The following TONSL variants were observed in gnomAD, a reference collection of about 807,000 sequenced individuals.
TONSL encodes the protein tonsoku-like protein.
In TONSL, 112 loss-of-function variants were observed where a neutral mutation model predicts 147.1. That is an observed-to-expected ratio of 0.76 (90% confidence interval 0.65 to 0.89). The LOEUF is 0.89. Ranked by LOEUF, TONSL falls within the 40% of genes least tolerant of loss-of-function variation. The probability of loss-of-function intolerance (pLI) is 0.00; values close to 1 mark genes in which losing one functional copy is unlikely to be tolerated. For missense variants in TONSL, 1,883 were observed against 1,864.6 expected (o/e 1.01, Z -0.18); for synonymous variants, 868 against 801.5 (o/e 1.08, Z -1.40).
chr8:144,438,164 G>A (rs565074874), intron 13 of TONSL: 2 of 431,274 alleles, frequency 4.6e-6, no homozygotes, highest in African/African-American at 3.9e-5. Flanking sequence ...GCATCCCAAA[G>A]TGCTGGGATT....
At position 144,429,219 on chromosome 8, in the gene TONSL, TG is replaced by T; in HGVS notation, c.4060del (p.Gln1354SerfsTer39). On this transcript the variant is annotated frameshift_variant, in exon 26 of 26. Transcript: ENST00000409379. LOFTEE classifies it low-confidence loss of function (END_TRUNC). ...GGGGCCCGGCCGACTGGGCTGCAGCTGGCGCAGGGCGTCCCTGTCCTCAGCG... is the reference window on the plus strand; with the variant it reads ...GGGGCCCGGCCGACTGGGCTGCAGCTGCGCAGGGCGTCCCTGTCCTCAGCG... The part of the protein sequence containing the change: ...LCAEDRDALR[Q>X]LQPSRPGPGE... 1 of 1,535,694 alleles carries T rather than the reference TG, an allele frequency of 6.5e-7. No homozygotes were observed. The highest frequency in any genetic ancestry group is 8.7e-7 in the Non-Finnish European group (1 of 1,144,888).
chr8:144,440,420 G>A lies in TONSL; in HGVS notation c.1221C>T (p.Tyr407=), dbSNP rs746125304. 2.9e-5 allele frequency: 46 copies of A among 1,608,314 alleles called. 2 individuals are homozygous for A. In the South Asian group the frequency reaches 4.2e-4, roughly 15 times the overall value. Residue 407 remains tyrosine (Y), a synonymous_variant, in exon 10 of 26, where the codon TAC becomes TAT. Transcript: ENST00000409379. ...TCTGGAAGCACGGGGCCAGCAGCTC[G>A]TAGGCATCGCCGGCCTCCTCGCGGG... ...ALSREEAGDA[Y]ELLAPCFQKA...
At chr8:144,432,188 T>C (rs1823233517) in intron 23 of TONSL, 97 bp downstream of exon 23, 1 of 1,354,154 alleles carries the variant, frequency 7.4e-7, no homozygotes. Context: ...CTCAGCGAGT[T>C]CAGCCCGAAT....
intron 11 of TONSL, 166 bp downstream of exon 11, chr8:144,439,855 C>T (rs1053679119): frequency 5.5e-5 from 31 of 562,226 alleles, no homozygotes; most frequent in South Asian, 3.6e-4. Context: ...AGGCTCCCTG[C>T]GGGTCACCAC....
At position 144,442,554 on chromosome 8, in the gene TONSL, A is replaced by C. The variant is rs537122941; in HGVS notation, c.578+123T>G. 1.2e-4 allele frequency: 182 copies of C among 1,491,776 alleles called. 2 individuals are homozygous for C. In the South Asian group the frequency reaches 2.3e-3, roughly 19 times the overall value. 92.4% of individuals were successfully genotyped at this position (1,491,776 alleles called of 1,614,324 possible). A position where few individuals can be genotyped will look rare whatever the true frequency, so the allele number is the denominator to read the frequency against. On this transcript the variant is annotated intron_variant, in intron 5 of 25. Transcript: ENST00000409379. ...TCCCAGTGTGTGGCACAGGTGTGAG[A>C]GGTGGGGGGATGAGGCCCAGCCAGA...
In TONSL at chr8:144,428,918, T is replaced by C; in HGVS notation, c.*225A>G. The C allele has an allele frequency of 2.3e-6, 1 of 434,520 alleles. No individual in the cohort carries two copies. Among genetic ancestry groups the C allele is most frequent in the Non-Finnish European group, 4.0e-6 (1 of 249,206 alleles). The allele number at this position is 434,520 out of a possible 1,614,324, so 26.9% of individuals were successfully genotyped here. On this transcript the variant is annotated 3_prime_UTR_variant, in exon 26 of 26. Transcript: ENST00000409379. ...CATTCTCCTGCCTCAGCCTCCGGAG[T>C]AGCTGGGACTACAGGCTTCCACCAC...
intron 12 of TONSL, 38 bp from the exon 13 acceptor site, chr8:144,438,598 G>C: frequency 6.2e-7 from 1 of 1,612,432 alleles, no homozygotes; most frequent in Non-Finnish European, 8.5e-7. Context: ...GCAGGGGCGT[G>C]AGGAGCTGGC....
rs749028352 is a variant in TONSL, at chr8:144,440,867, G to T, written c.1015C>A (p.Arg339Ser). The change falls in exon 9 of 26, where the codon CGT becomes AGT. Residue 339 changes from arginine (R) to serine (S), a missense_variant. Arg to Ser is a moderately radical substitution (Grantham distance 110, BLOSUM62 -1). Coordinates refer to ENST00000409379, the MANE Select transcript of TONSL (RefSeq NM_013432.5). Reference protein sequence around the residue: ...RAAEAYQKQLRFAELLDRPGA... With the variant: ...RAAEAYQKQLSFAELLDRPGA... ...GGTCTGTCCAGCAGCTCAGCAAAAC[G>T]CAGCTGGGGGCAGTGCCAGTGAGGC... is the stretch of plus-strand genomic sequence containing the variant. The T allele has an allele frequency of 1.9e-6, 3 of 1,612,674 alleles. No individual in the cohort carries two copies. Among genetic ancestry groups the T allele is most frequent in the Non-Finnish European group, 2.5e-6 (3 of 1,179,864 alleles).
chr8:144,435,855 T>C lies in TONSL; in HGVS notation c.2578A>G (p.Ser860Gly), dbSNP rs1564729485. ...TCACTGTCCGACCCAGAGGTACTAC[T>C]GGGCCTGCGGTTGTCTCCAGTGCCC... ...PRGTGDNRRP[S>G]STSGSDSEES... Residue 860 changes from serine (S) to glycine (G), a missense_variant, in exon 17 of 26, where the codon AGT (serine) becomes GGT (glycine). Transcript: ENST00000409379. 6.2e-7 allele frequency: 1 copy of C among 1,609,844 alleles called. No individual in the cohort carries two copies. The highest frequency in any genetic ancestry group is 8.5e-7 in the Non-Finnish European group (1 of 1,177,556).
At chr8:144,434,323 C>G in intron 20 of TONSL, 44 bp from the exon 21 acceptor site, 1 of 1,452,820 alleles carries the variant, frequency 6.9e-7, no homozygotes, top group Non-Finnish European at 9.1e-7. Context: ...CCGGCCCTTT[C>G]TGCCCTCTGA....
chr8:144,430,628 G>A (rs1554878460), intron 24 of TONSL, 91 bp from the exon 25 acceptor site: 8 of 1,458,146 alleles, frequency 5.5e-6, no homozygotes, highest in Non-Finnish European at 7.4e-6. Context: ...TGCCAGCTCA[G>A]GGAGCCTCGG....
chr8:144,441,714 A>C (rs1823727092), intron 7 of TONSL: 2 of 310,816 alleles, frequency 6.4e-6, no homozygotes, highest in Admixed American at 4.9e-5. Flanking sequence ...CTCCTCTCCC[A>C]CCCTGGGAGG....
Position 144,439,964 on chromosome 8 carries a change from C to T in TONSL, c.1480+57G>A, listed in dbSNP as rs963955304. 116 of 791,454 alleles carry T rather than the reference C, an allele frequency of 1.5e-4. No homozygotes were observed. The African/African-American group carries it at 1.8e-3, about 12-fold the overall frequency. The allele number at this position is 791,454 out of a possible 1,614,324, so 49.0% of individuals were successfully genotyped here. On this transcript the variant is annotated intron_variant, in intron 11 of 25. Coordinates refer to ENST00000409379, the MANE Select transcript of TONSL (RefSeq NM_013432.5). ...GGCTCCACAGCAGCACAGCACACCC[C>T]TCTCCAGCCCGGCCCAGAGCAGGCC...
intron 11 of TONSL, 135 bp from the exon 12 acceptor site, chr8:144,438,870 G>A (rs1823586910): frequency 2.4e-6 from 2 of 848,528 alleles, no homozygotes; most frequent in East Asian, 2.7e-5. Context: ...GAGGCTGCTG[G>A]GCTCTGGGGG....
At chr8:144,431,178 G>C (rs1554878590) in intron 23 of TONSL, 27 bp from the exon 24 acceptor site, 2 of 1,612,376 alleles carry the variant, frequency 1.2e-6, no homozygotes, top group Admixed American at 3.3e-5. Flanking sequence ...GCCCAAGGGG[G>C]CCAAACGGAG....
At position 144,438,546 on chromosome 8, in the gene TONSL, G is replaced by A. The variant is rs150430814; in HGVS notation, c.1578C>T (p.Asn526=). Residue 526 remains asparagine, a synonymous_variant, in exon 13 of 26, where the codon AAC becomes AAT. Coordinates refer to ENST00000409379, the MANE Select transcript of TONSL (RefSeq NM_013432.5). ...RRKGSKWNRR[N]DMGETLLHRA... ...GGTGCAGCAGGGTCTCCCCCATGTC[G>A]TTTCGCCGGTTCCACTGTGGGCACA... The A allele has an allele frequency of 9.9e-4, 1,596 of 1,612,942 alleles. 23 individuals carry two copies. The highest frequency in any genetic ancestry group is 2.6e-3 in the Middle Eastern group (16 of 6,060).
At position 144,440,526 on chromosome 8, in the gene TONSL, A is replaced by G. The variant is rs367874290; in HGVS notation, c.1165-50T>C. On this transcript the variant is annotated intron_variant, in intron 9 of 25. Transcript: ENST00000409379. ...CGGGGGCTGCCGCTGTCTGCGTCCA[A>G]CGGGCCCCAGTCAAGCTTCCCCGGC... 180 of 1,546,158 alleles carry G rather than the reference A, an allele frequency of 1.2e-4. No individual in the cohort carries two copies. The African/African-American group carries it at 2.2e-3, about 19-fold the overall frequency.
Position 144,438,736 on chromosome 8 carries a change from CTG to C in TONSL, c.1481-3_1481-2del. On this transcript the variant is annotated splice_acceptor_variant and splice_polypyrimidine_tract_variant and intron_variant, in intron 11 of 25. Transcript: ENST00000409379. LOFTEE classifies it high-confidence loss of function. ...GGGGTCAGGCCATCGGTGTCGTCCT[CTG>C]GAACAGAGCCAAGCCCACCCCAGGG... The C allele has an allele frequency of 1.2e-6, 2 of 1,612,914 alleles. No homozygotes were observed. Among genetic ancestry groups the C allele is most frequent in the Non-Finnish European group, 1.7e-6 (2 of 1,179,842 alleles).
rs781959002 is a variant in TONSL, at chr8:144,430,492, G to A, written c.3855C>T (p.Ala1285=). 3 of 1,613,548 alleles carry A rather than the reference G, an allele frequency of 1.9e-6. No individual in the cohort carries two copies. Among genetic ancestry groups the A allele is most frequent in the Non-Finnish European group, 2.5e-6 (3 of 1,179,730 alleles). The part of the protein sequence containing the change: ...CPSLISLDLS[A]NPEISCASLE... ...AGCTGGCACAGCTGATCTCAGGGTTGGCAGACAGATCCAGTGAGATGAGTG... is the reference window on the plus strand; with the variant it reads ...AGCTGGCACAGCTGATCTCAGGGTTAGCAGACAGATCCAGTGAGATGAGTG... The change falls in exon 25 of 26, where the codon GCC becomes GCT. Residue 1285 remains alanine, a synonymous_variant. Transcript: ENST00000409379.
Sources: gnomAD v4.1 joint callset for allele counts on GRCh38, gnomAD v4.1.1 for gene constraint, MANE v1.5 for transcripts, NCBI Gene and HGNC (gene_info 2026-07-23, HGNC 2026-07-21) for gene names.